UNC5D: variants seen among roughly 807,000 people sequenced by gnomAD.
The protein encoded by UNC5D is netrin receptor UNC5D.
UNC5D carries 39 observed loss-of-function variants against 105.4 expected under a neutral mutation model. The observed-to-expected ratio is 0.37, with a 90% CI of 0.29 to 0.48. The LOEUF is 0.48. Ranked by LOEUF, UNC5D falls within the 20% of genes least tolerant of loss-of-function variation. The pLI is 0.98. For synonymous variants in UNC5D, 452 were observed against 450.4 expected (o/e 1.00, Z -0.04); for missense variants, 991 against 1,202.4 (o/e 0.82, Z 2.60).
chr8:35,678,231 G>A (rs1441205571), intron 4 of UNC5D, among the ~76,000 whole-genome samples: 1 of 152,122 alleles, frequency 6.6e-6, no homozygotes, highest in Admixed American at 6.5e-5. Context: ...GAGTTGTGCA[G>A]TGGACCTGGC....
intron 4 of UNC5D, among the ~76,000 whole-genome samples, chr8:35,670,883 A>T (rs1824749471): frequency 6.6e-6 from 1 of 152,198 alleles, no homozygotes. Flanking sequence ...AAAAGATGGC[A>T]GAATTTTGAA....
At chr8:35,243,271 A>C (rs967923779) in intron 1 of UNC5D, among the ~76,000 whole-genome samples, 7 of 152,190 alleles carry the variant, frequency 4.6e-5, no homozygotes, top group African/African-American at 1.7e-4. Flanking sequence ...GAAAACACAA[A>C]TGTCAATTTT....
chr8:35,533,753 G>A (rs200296936), intron 1 of UNC5D, among the ~76,000 whole-genome samples: 3 of 152,196 alleles, frequency 2.0e-5, no homozygotes, highest in African/African-American at 7.2e-5. Flanking sequence ...CTCGTGGTTC[G>A]CCGTTTTTTT....
chr8:35,370,651 T>C lies in UNC5D; in HGVS notation c.103+134764T>C, dbSNP rs1414216409. Among the ~76,000 whole-genome samples the C allele has an allele frequency of 2.0e-5, 3 of 152,168 alleles. No homozygotes were observed. In the East Asian group the frequency reaches 5.8e-4, roughly 29 times the overall value. ...AAAAAAAGGAACCAAATAATGAAAG[T>C]AACTTTTAGGCATGGAAATGAAATA... On this transcript the variant is annotated intron_variant, in intron 1 of 16. Transcript: ENST00000404895.
At chr8:35,336,095 A>G (rs545154751) in intron 1 of UNC5D, among the ~76,000 whole-genome samples, 5 of 152,226 alleles carry the variant, frequency 3.3e-5, no homozygotes, top group South Asian at 4.1e-4. Context: ...CTCTATTCAC[A>G]TATTAAAATG....
At chr8:35,508,943 T>A (rs1377752965) in intron 1 of UNC5D, among the ~76,000 whole-genome samples, 1 of 152,232 alleles carries the variant, frequency 6.6e-6, no homozygotes, top group African/African-American at 2.4e-5. Context: ...TGTCAAAACT[T>A]AAATAGTTTG....
chr8:35,444,002 A>C (rs2128985924), intron 1 of UNC5D, among the ~76,000 whole-genome samples: 1 of 152,128 alleles, frequency 6.6e-6, no homozygotes, highest in Admixed American at 6.6e-5. Flanking sequence ...TTAAACACAT[A>C]CTTTTGTTGA....
intron 1 of UNC5D, among the ~76,000 whole-genome samples, chr8:35,510,331 A>AC (rs1251974196): frequency 6.6e-6 from 1 of 150,940 alleles, no homozygotes; most frequent in African/African-American, 2.5e-5. Flanking sequence ...AAAAAAAAAA[A>AC]ACACTTTGGA....
intron 1 of UNC5D, among the ~76,000 whole-genome samples, chr8:35,290,432 CAT>C (rs1259831715): frequency 6.8e-6 from 1 of 148,064 alleles, no homozygotes; most frequent in East Asian, 2.1e-4. Context: ...ACTTTGAACT[CAT>C]AGAATTAGAG....
intron 11 of UNC5D, among the ~76,000 whole-genome samples, chr8:35,745,991 G>C (rs879472611): frequency 7.5e-6 from 1 of 134,042 alleles, no homozygotes; most frequent in Non-Finnish European, 1.6e-5. Flanking sequence ...TTTTTTTTTT[G>C]TCCACATCCA....
At chr8:35,318,224 A>G (rs1809450758) in intron 1 of UNC5D, among the ~76,000 whole-genome samples, 1 of 151,954 alleles carries the variant, frequency 6.6e-6, no homozygotes, top group Non-Finnish European at 1.5e-5. Context: ...AAAAAATATT[A>G]TACTTTGTCA....
intron 4 of UNC5D, among the ~76,000 whole-genome samples, chr8:35,644,046 C>A (rs998155245): frequency 6.6e-6 from 1 of 152,132 alleles, no homozygotes; most frequent in Non-Finnish European, 1.5e-5. Flanking sequence ...TAATTCTTCA[C>A]TCCTGCCACA....
At chr8:35,287,322 C>T (rs1166247770) in intron 1 of UNC5D, among the ~76,000 whole-genome samples, 2 of 152,010 alleles carry the variant, frequency 1.3e-5, no homozygotes, top group Non-Finnish European at 2.9e-5. Flanking sequence ...TAGAATAATC[C>T]TCTAAAAGAA....
chr8:35,495,458 C>CAACAA (rs1811504758), intron 1 of UNC5D, among the ~76,000 whole-genome samples: 1 of 44,632 alleles, frequency 2.2e-5, no homozygotes, highest in African/African-American at 1.0e-4. Flanking sequence ...ACAACAACAA[C>CAACAA]AAAAAAAAAA....
chr8:35,375,952 T>G (rs935690457), intron 1 of UNC5D, among the ~76,000 whole-genome samples: 24 of 152,222 alleles, frequency 1.6e-4, no homozygotes, highest in African/African-American at 5.8e-4. Flanking sequence ...TCCCACCTCC[T>G]GAATCTCAGA....
chr8:35,276,971 A>G (rs1277731199), intron 1 of UNC5D, among the ~76,000 whole-genome samples: 1 of 152,194 alleles, frequency 6.6e-6, no homozygotes, highest in Non-Finnish European at 1.5e-5. Context: ...AGGCTCCAGA[A>G]GAAGGTCTTC....
At chr8:35,784,609 A>G (rs1802659094) in intron 16 of UNC5D, among the ~76,000 whole-genome samples, 1 of 152,042 alleles carries the variant, frequency 6.6e-6, no homozygotes, top group Non-Finnish European at 1.5e-5. Flanking sequence ...TTAGCTGGGC[A>G]TGGTGGCACA....
chr8:35,520,184 A>G (rs1183024774), intron 1 of UNC5D, among the ~76,000 whole-genome samples: 1 of 152,180 alleles, frequency 6.6e-6, no homozygotes, highest in Non-Finnish European at 1.5e-5. Context: ...GATGAATGAA[A>G]AAGCCAAGAG....
chr8:35,632,235 A>G (rs759192753), intron 4 of UNC5D, among the ~76,000 whole-genome samples: 2 of 152,240 alleles, frequency 1.3e-5, no homozygotes, highest in Non-Finnish European at 2.9e-5. Flanking sequence ...AAATTTGGGC[A>G]TCTTTGCAAC....
Sources: gnomAD v4.1 joint callset for allele counts (sites outside exome capture counted in the v4.1 genomes callset) on GRCh38, gnomAD v4.1.1 for gene constraint, MANE v1.5 for transcripts, NCBI Gene and HGNC (gene_info 2026-07-23, HGNC 2026-07-21) for gene names.